Variants in TMEM63A observed in about 807,000 individuals in gnomAD.
The protein encoded by TMEM63A is transmembrane protein 63A, also known as mechanosensitive cation channel TMEM63A.
Under a neutral mutation model 100.6 loss-of-function variants are expected in TMEM63A, and 76 were observed. The ratio of observed to expected loss-of-function variants is 0.76; its 90% CI spans 0.63 to 0.91. The LOEUF (loss-of-function observed/expected upper bound fraction) is 0.91. Among genes scored for constraint, TMEM63A ranks in the 40% least tolerant of loss-of-function variants. The pLI is 0.00. For missense variants in TMEM63A, 876 were observed against 1,008.8 expected, an observed-to-expected ratio of 0.87 and a Z score of 1.78; for synonymous variants, 401 against 401.1, an observed-to-expected ratio of 1.00 and a Z score of 0.00.
At chr1:225,866,078 A>G in intron 9 of TMEM63A, 111 bp from the exon 10 acceptor site, 1 of 1,157,592 alleles carries the variant, frequency 8.6e-7, no homozygotes. Flanking sequence ...GGAAATCAGA[A>G]GGCTCCAGTT....
At chr1:225,843,660 C>A (rs1668631663), downstream of TMEM63A, among the ~76,000 whole-genome samples, 1 of 152,200 alleles carries the variant, frequency 6.6e-6, no homozygotes, top group Admixed American at 6.5e-5. Context: ...AGCACCAAAT[C>A]CCTGAGCAGG....
chr1:225,850,933 G>C (rs932293050), intron 20 of TMEM63A, among the ~76,000 whole-genome samples: 1 of 152,012 alleles, frequency 6.6e-6, no homozygotes, highest in Non-Finnish European at 1.5e-5. Flanking sequence ...GGATGGTCTC[G>C]ATCTCCTGAC....
At chr1:225,845,119 C>G (rs1422053665), downstream of TMEM63A, 13 of 1,613,200 alleles carry the variant, frequency 8.1e-6, no homozygotes, top group Non-Finnish European at 1.1e-5. Context: ...CACAGCCTCA[C>G]CCCTCCGTCG....
chr1:225,862,678 G>A lies in TMEM63A; in HGVS notation c.827+93C>T. On this transcript the variant is annotated intron_variant, in intron 11 of 24. Transcript: ENST00000366835. The surrounding 1 kb of genome is among the most constrained non-coding windows in gnomAD (Gnocchi z 5.1). ...ACCATCGAACGCCAGGGGAGAAGGA[G>A]GGGTCCAGGGCCTCCCGCCTCCCTT... The A allele has an allele frequency of 6.2e-7, 1 of 1,604,208 alleles. No individual in the cohort carries two copies. Among genetic ancestry groups the A allele is most frequent in the Non-Finnish European group, 8.5e-7 (1 of 1,173,814 alleles).
At chr1:225,841,082 A>G (rs546982754), downstream of TMEM63A, 1 of 152,320 alleles carries the variant, frequency 6.6e-6, no homozygotes, top group Non-Finnish European at 1.5e-5. Context: ...AAGTACGTCC[A>G]TATCACCAAC....
intron 9 of TMEM63A, chr1:225,866,343 C>T (rs1670207838): frequency 1.5e-5 from 8 of 540,028 alleles, no homozygotes. Context: ...GCTCTCAACC[C>T]AAATTTCTTT....
rs919286232 is a variant in TMEM63A at position 225,846,766 on chromosome 1, T to A, written c.*173A>T. The stretch of plus-strand genomic sequence containing the variant: ...TGGAAGCTTGTGCCGGAGGGGAAAC[T>A]GGGTGAGCAAGGGAGGGGCGAGGCC... On this transcript the variant is annotated 3_prime_UTR_variant, in exon 25 of 25. Coordinates refer to ENST00000366835, the MANE Select transcript of TMEM63A (RefSeq NM_014698.3). 1 of 355,692 alleles carries A rather than the reference T, an allele frequency of 2.8e-6. No homozygotes were observed. The highest frequency in any genetic ancestry group is 5.1e-6 in the Non-Finnish European group (1 of 197,350). The allele number at this position is 355,692 out of a possible 1,614,324, so 22.0% of individuals were successfully genotyped here. A position where few individuals can be genotyped will look rare whatever the true frequency, so the allele number is the denominator to read the frequency against.
intron 1 of TMEM63A, among the ~76,000 whole-genome samples, chr1:225,880,634 C>T (rs1040562880): frequency 6.6e-6 from 1 of 152,106 alleles, no homozygotes; most frequent in African/African-American, 2.4e-5. Flanking sequence ...CTCAATATGC[C>T]GAGGGTAGGA....
Position 225,862,692 on chromosome 1 carries a change from C to T in TMEM63A, c.827+79G>A. 1 of 1,609,518 alleles carries T rather than the reference C, an allele frequency of 6.2e-7. No homozygotes were observed. Among genetic ancestry groups the T allele is most frequent in the Non-Finnish European group, 8.5e-7 (1 of 1,177,612 alleles). On this transcript the variant is annotated intron_variant, in intron 11 of 24. Coordinates refer to ENST00000366835, the MANE Select transcript of TMEM63A (RefSeq NM_014698.3). The surrounding 1 kb of genome is among the most constrained non-coding windows in gnomAD (Gnocchi z 5.1). The stretch of plus-strand genomic sequence containing the variant: ...GGGGAGAAGGAGGGGTCCAGGGCCT[C>T]CCGCCTCCCTTCCTAGCTGGGAGAT...
chr1:225,866,628 A>G lies in TMEM63A; in HGVS notation c.621T>C (p.Thr207=), dbSNP rs1206986691. The G allele has an allele frequency of 1.2e-6, 2 of 1,614,092 alleles. No individual in the cohort carries two copies. The highest frequency in any genetic ancestry group is 1.7e-6 in the Non-Finnish European group (2 of 1,179,990). The part of the protein sequence containing the change: ...TIFAVIYLFL[T]VGFMRHHTQS... ...GAGTGTGGTGCCGCATGAAACCCACAGTGAGGAAGAGGTAAATGACAGCAA... is the reference window on the plus strand; with the variant it reads ...GAGTGTGGTGCCGCATGAAACCCACGGTGAGGAAGAGGTAAATGACAGCAA... The change falls in exon 9 of 25, where the codon ACT becomes ACC. Residue 207 remains threonine (T), a synonymous_variant. Coordinates refer to ENST00000366835, the MANE Select transcript of TMEM63A (RefSeq NM_014698.3).
intron 21 of TMEM63A, 27 bp from the exon 22 acceptor site, chr1:225,849,039 G>T: frequency 2.7e-6 from 4 of 1,454,702 alleles, no homozygotes; most frequent in Non-Finnish European, 2.8e-6. Context: ...GCTAGCCTTG[G>T]GGTGGGCAGG....
rs992535546 is a variant in TMEM63A at position 225,847,036 on chromosome 1, A to G, written c.*4T>C. ...GCCTGGCCCAGCCAGCAGCTCACCCAGCCTCAGGCCTCCTGGGGGGCAGCA... is the reference window on the plus strand; with the variant it reads ...GCCTGGCCCAGCCAGCAGCTCACCCGGCCTCAGGCCTCCTGGGGGGCAGCA... On this transcript the variant is annotated splice_region_variant and 3_prime_UTR_variant, in exon 24 of 25. Transcript: ENST00000366835. 1 of 1,605,958 alleles carries G rather than the reference A, an allele frequency of 6.2e-7. No homozygotes were observed.
chr1:225,860,670 A>G, intron 14 of TMEM63A, 190 bp downstream of exon 14: 1 of 487,824 alleles, frequency 2.0e-6, no homozygotes, highest in Non-Finnish European at 3.3e-6. Context: ...AGGGAGGAAC[A>G]CTGGAGGGAA....
chr1:225,873,105 G>T (rs561205355), intron 4 of TMEM63A, among the ~76,000 whole-genome samples: 138 of 152,256 alleles, frequency 9.1e-4, no homozygotes, highest in African/African-American at 3.3e-3. Context: ...TGTCCCTTTT[G>T]ACCTTCACCG....
At chr1:225,848,205 C>A (rs550138288) in intron 23 of TMEM63A, 12 of 445,572 alleles carry the variant, frequency 2.7e-5, no homozygotes, top group Non-Finnish European at 4.0e-5. Context: ...AAGCCCCAAA[C>A]TCACCAGGCA....
At chr1:225,875,355 G>A (rs1455781886) in intron 3 of TMEM63A, among the ~76,000 whole-genome samples, 3 of 152,192 alleles carry the variant, frequency 2.0e-5, no homozygotes, top group African/African-American at 7.2e-5. Flanking sequence ...CAGGCTCCAT[G>A]CCATGTTCCT....
chr1:225,860,836 C>T, intron 14 of TMEM63A, 24 bp downstream of exon 14: 3 of 1,580,984 alleles, frequency 1.9e-6, no homozygotes, highest in South Asian at 1.2e-5. Context: ...CTCTCTCCCA[C>T]CTCTCCTTGG....
At chr1:225,850,884 T>C (rs1300228193) in intron 20 of TMEM63A, among the ~76,000 whole-genome samples, 2 of 152,072 alleles carry the variant, frequency 1.3e-5, no homozygotes, top group African/African-American at 4.8e-5. Flanking sequence ...GCTAATTTTT[T>C]ATATTTTTAG....
intron 8 of TMEM63A, 52 bp from the exon 9 acceptor site, chr1:225,866,734 G>C (rs368376119): frequency 3.5e-4 from 551 of 1,562,456 alleles, no homozygotes; most frequent in Middle Eastern, 1.0e-3. Flanking sequence ...CAGGGAGCTG[G>C]GGGTGCAGAG....
Sources: gnomAD v4.1 joint callset for allele counts (sites outside exome capture counted in the v4.1 genomes callset) on GRCh38, gnomAD v4.1.1 for gene constraint, Gnocchi (gnomAD v3.1) non-coding constraint, MANE v1.5 for transcripts, NCBI Gene and HGNC (gene_info 2026-07-23, HGNC 2026-07-21) for gene names.